The following CCDC33 variants were observed in gnomAD, a reference collection of about 807,000 sequenced individuals.
The protein encoded by CCDC33 is coiled-coil domain containing 33.
In CCDC33, 94 loss-of-function variants were observed where a neutral mutation model predicts 91.9. The observed-to-expected ratio is 1.02, with a 90% CI of 0.87 to 1.21. CCDC33 has a LOEUF of 1.21. Ranked by LOEUF, CCDC33 falls within the 50% of genes most tolerant of loss-of-function variation. The pLI, the probability that CCDC33 is intolerant of heterozygous loss-of-function variation, is 0.00. For missense variants in CCDC33, 940 were observed against 935.5 expected, an observed-to-expected ratio of 1.00 and a Z score of -0.06; for synonymous variants, 396 against 374.5, an observed-to-expected ratio of 1.06 and a Z score of -0.66.
chr15:74,325,083 C>T (rs1005194233), intron 11 of CCDC33, among the ~76,000 whole-genome samples: 1 of 151,868 alleles, frequency 6.6e-6, no homozygotes, highest in East Asian at 1.9e-4. Context: ...TTCACTCTGT[C>T]ATGCTGAGTC....
chr15:74,221,143 T>C, intron 2 of CCDC33: 2 of 918,818 alleles, frequency 2.2e-6, no homozygotes, highest in Non-Finnish European at 2.6e-6. Context: ...ATTTCAACAA[T>C]TGAATCTATT....
chr15:74,224,268 G>T (rs2074713861), intron 2 of CCDC33, among the ~76,000 whole-genome samples: 1 of 152,054 alleles, frequency 6.6e-6, no homozygotes, highest in Non-Finnish European at 1.5e-5. Context: ...AATACATCGT[G>T]ATCACCCTGC....
chr15:74,246,701 T>C (rs2075541354), intron 2 of CCDC33, among the ~76,000 whole-genome samples: 1 of 152,128 alleles, frequency 6.6e-6, no homozygotes, highest in Non-Finnish European at 1.5e-5. Flanking sequence ...AAGAGAACGC[T>C]TGTACACTGT....
chr15:74,302,491 C>T (rs1222775150), intron 11 of CCDC33: 1 of 152,296 alleles, frequency 6.6e-6, no homozygotes, highest in African/African-American at 2.4e-5. Flanking sequence ...GCTTACCCTA[C>T]CCTACCTGCC....
At chr15:74,208,996 T>C in intron 1 of CCDC33, 1 of 1,024,838 alleles carries the variant, frequency 9.8e-7, no homozygotes, top group Non-Finnish European at 1.2e-6. Flanking sequence ...CCCTGAGAAG[T>C]GTCCCCAGCA....
At chr15:74,284,066 C>T (rs999045212) in intron 10 of CCDC33, among the ~76,000 whole-genome samples, 16 of 152,208 alleles carry the variant, frequency 1.1e-4, no homozygotes, top group African/African-American at 3.9e-4. Flanking sequence ...AACTGACTCC[C>T]TTTGATTCTA....
Position 74,332,759 on chromosome 15 carries a change from C to T in CCDC33, c.1852C>T (p.Leu618=). 6.2e-7 allele frequency: 1 copy of T among 1,614,238 alleles called. No individual in the cohort carries two copies. The highest frequency in any genetic ancestry group is 8.5e-7 in the Non-Finnish European group (1 of 1,180,032). ...GCCGGTTGAACTTTACTCGGTGCTG[C>T]TGGCAGAAAACGCGAAGCTGCGGAC... ...NLPVELYSVL[L]AENAKLRTEL... The change falls in exon 16 of 19, where the codon CTG becomes TTG. Residue 618 remains leucine, a synonymous_variant. Transcript: ENST00000398814.
At chr15:74,221,230 T>G (rs1330447613) in intron 2 of CCDC33, 10 of 977,970 alleles carry the variant, frequency 1.0e-5, no homozygotes, top group Middle Eastern at 5.2e-4. Context: ...TTTTTTTTTT[T>G]TTTTTTTTTT....
chr15:74,315,089 G>A (rs1215232826), intron 11 of CCDC33, among the ~76,000 whole-genome samples: 1 of 152,230 alleles, frequency 6.6e-6, no homozygotes, highest in Non-Finnish European at 1.5e-5. Flanking sequence ...GCCAGCAGGG[G>A]TAAGGGGAGC....
intron 11 of CCDC33, among the ~76,000 whole-genome samples, chr15:74,310,408 A>C (rs1374986093): frequency 6.6e-6 from 1 of 152,016 alleles, no homozygotes; most frequent in Non-Finnish European, 1.5e-5. Context: ...GTGATGGTGC[A>C]TGCCTGTAAT....
chr15:74,318,398 G>T, intron 11 of CCDC33: 4 of 525,522 alleles, frequency 7.6e-6, no homozygotes, highest in Non-Finnish European at 1.3e-5. Context: ...ATACAATTCT[G>T]TGGCCAAGGA....
At position 74,303,083 on chromosome 15, in the gene CCDC33, A is replaced by G. The variant is rs374330932; in HGVS notation, c.1290+7135A>G. ...GACCCGGCCTCCACTCCTCAGCACC[A>G]CCTGGTGGCAGGTGATTAACTCTGA... On this transcript the variant is annotated intron_variant, in intron 11 of 18. Transcript: ENST00000398814. 11 of 152,222 alleles carry G rather than the reference A, an allele frequency of 7.2e-5. No homozygotes were observed. The East Asian group carries it at 1.7e-3, about 24-fold the overall frequency. 9.4% of individuals were successfully genotyped at this position (152,222 alleles called of 1,614,324 possible). A position where few individuals can be genotyped will look rare whatever the true frequency, so the allele number is the denominator to read the frequency against.
At chr15:74,310,050 CTGAGGTGGGAGAA>C (rs1368540661) in intron 11 of CCDC33, among the ~76,000 whole-genome samples, 1 of 152,028 alleles carries the variant, frequency 6.6e-6, no homozygotes, top group Non-Finnish European at 1.5e-5. Flanking sequence ...ACTTGGGAGA[CTGAGGTGGGAGAA>C]TTGCTTGAGC....
chr15:74,240,655 C>A (rs974026289), intron 1 of CCDC33, among the ~76,000 whole-genome samples: 1 of 152,018 alleles, frequency 6.6e-6, no homozygotes, highest in African/African-American at 2.4e-5. Context: ...GGCTGGAGTA[C>A]CATCTTGGCT....
At chr15:74,331,728 T>C (rs1309346488) in intron 15 of CCDC33, among the ~76,000 whole-genome samples, 1 of 152,168 alleles carries the variant, frequency 6.6e-6, no homozygotes, top group Non-Finnish European at 1.5e-5. Context: ...AAAAATACTT[T>C]GATTAAATCA....
intron 18 of CCDC33, chr15:74,335,498 T>C (rs1325884451): frequency 4.9e-6 from 2 of 409,796 alleles, no homozygotes; most frequent in Non-Finnish European, 4.4e-6. Flanking sequence ...CCTTCTCAGA[T>C]GGCCACGATG....
chr15:74,252,539 G>T (rs1480424495), intron 2 of CCDC33, among the ~76,000 whole-genome samples: 1 of 152,248 alleles, frequency 6.6e-6, no homozygotes. Flanking sequence ...TGCAGTCCTG[G>T]AAGCAGGCTG....
chr15:74,308,075 T>TCTAGGTGGGCACGTCCC (rs1324402811), intron 11 of CCDC33, among the ~76,000 whole-genome samples: 1 of 152,012 alleles, frequency 6.6e-6, no homozygotes, highest in East Asian at 1.9e-4. Context: ...GGGCACGGGC[T>TCTAGGTGGGCACGTCCC]CTAGGTGGGC....
intron 18 of CCDC33, chr15:74,335,449 C>A (rs1184354696): frequency 5.8e-6 from 3 of 520,780 alleles, no homozygotes; most frequent in African/African-American, 1.9e-5. Flanking sequence ...GCCCTACCCC[C>A]CTGAATCCAT....
Sources: allele counts gnomAD v4.1 joint callset (sites outside exome capture counted in the v4.1 genomes callset), GRCh38; gene constraint gnomAD v4.1.1; transcripts MANE v1.5; gene names NCBI Gene and HGNC (gene_info 2026-07-23, HGNC 2026-07-21).